CNIH3: variants seen among roughly 807,000 people sequenced by gnomAD.
CNIH3 encodes the protein protein cornichon homolog 3.
A neutral mutation model predicts 24.1 loss-of-function variants in CNIH3; 14 were observed. The observed-to-expected ratio is 0.58, with a 90% CI of 0.38 to 0.91. CNIH3 has a LOEUF of 0.91. CNIH3 is among the 40% of genes least tolerant of loss of function. CNIH3 has a pLI of 0.00. For synonymous variants in CNIH3, 68 were observed against 73.8 expected, an observed-to-expected ratio of 0.92 and a Z score of 0.40; for missense variants, 178 against 196.8, an observed-to-expected ratio of 0.90 and a Z score of 0.57.
chr1:224,488,279 G>A (rs984064428), intron 1 of CNIH3, among the ~76,000 whole-genome samples: 7 of 151,968 alleles, frequency 4.6e-5, no homozygotes, highest in Admixed American at 6.6e-5. Context: ...TACTCCAATT[G>A]TACTTACGTT....
intron 1 of CNIH3, among the ~76,000 whole-genome samples, chr1:224,520,042 A>G (rs1678562944): frequency 6.6e-6 from 1 of 152,052 alleles, no homozygotes; most frequent in South Asian, 2.1e-4. Flanking sequence ...CCAGTTGAAA[A>G]ACAGCAAACC....
chr1:224,524,730 C>G (rs1572411315), intron 2 of CNIH3, among the ~76,000 whole-genome samples: 1 of 152,008 alleles, frequency 6.6e-6, no homozygotes, highest in South Asian at 2.1e-4. Flanking sequence ...GTTATTTTTG[C>G]CTTCAAGTAT....
Position 224,656,474 on chromosome 1 carries a change from T to G in CNIH3, c.82-24484T>G, listed in dbSNP as rs1282667979. 2.0e-5 allele frequency among the ~76,000 whole-genome samples: 3 copies of G among 152,246 alleles called. No homozygotes were observed. In the East Asian group the frequency reaches 5.8e-4, roughly 29 times the overall value. Reference sequence around the variant, plus strand: ...AAAGCTAGGGTCTAGGGGAGAACAATGACCGGAAAAGTTCATGTTCCCTTT... The same window carrying G: ...AAAGCTAGGGTCTAGGGGAGAACAAGGACCGGAAAAGTTCATGTTCCCTTT... On this transcript the variant is annotated intron_variant, in intron 1 of 5. Coordinates refer to ENST00000272133, the MANE Select transcript of CNIH3 (RefSeq NM_152495.2).
chr1:224,619,782 CA>C (rs552398103), intron 1 of CNIH3, among the ~76,000 whole-genome samples: 1 of 152,132 alleles, frequency 6.6e-6, no homozygotes, highest in Non-Finnish European at 1.5e-5. Context: ...ATCAGTACCC[CA>C]AAAAATGAAT....
At chr1:224,527,527 T>C (rs1678891884) in intron 2 of CNIH3, among the ~76,000 whole-genome samples, 1 of 152,232 alleles carries the variant, frequency 6.6e-6, no homozygotes, top group South Asian at 2.1e-4. Flanking sequence ...TCAGGCTGTT[T>C]GATGAACACT....
chr1:224,502,151 G>A (rs66530931), intron 1 of CNIH3, among the ~76,000 whole-genome samples: 29,065 of 152,104 alleles, frequency 0.19, 2,999 homozygotes, highest in Non-Finnish European at 0.22. Flanking sequence ...CTCCCGGAGA[G>A]TGAAGCCCTG....
intron 4 of CNIH3, among the ~76,000 whole-genome samples, chr1:224,566,447 G>A (rs1161663578): frequency 1.3e-5 from 2 of 151,322 alleles, no homozygotes; most frequent in Non-Finnish European, 2.9e-5. Flanking sequence ...AGGTATACAT[G>A]TGCCATGGTG....
rs958588303 is a variant in CNIH3, at chr1:224,596,502, C to T, written n.402+30238C>T. 3.3e-5 allele frequency among the ~76,000 whole-genome samples: 5 copies of T among 152,324 alleles called. No individual in the cohort carries two copies. In the East Asian group the frequency reaches 9.7e-4, roughly 29 times the overall value. On this transcript the variant is annotated intron_variant and non_coding_transcript_variant, in intron 3 of 7. Transcript: ENST00000478120. ...TGAATATTGTTTTCATGCCTGCTTGCACAACTCCATTATGTAGTCCATGGA... is the reference window on the plus strand; with the variant it reads ...TGAATATTGTTTTCATGCCTGCTTGTACAACTCCATTATGTAGTCCATGGA...
At chr1:224,435,527 T>C (rs1004580817) in intron 1 of CNIH3, among the ~76,000 whole-genome samples, 1 of 152,190 alleles carries the variant, frequency 6.6e-6, no homozygotes, top group Non-Finnish European at 1.5e-5. Flanking sequence ...TCACTCTTTT[T>C]TAGCACTTGC....
chr1:224,448,961 C>CTTT (rs397983008), intron 1 of CNIH3, among the ~76,000 whole-genome samples: 6 of 115,264 alleles, frequency 5.2e-5, no homozygotes, highest in Non-Finnish European at 9.3e-5. Flanking sequence ...AGCTGGGATT[C>CTTT]TTTTTTTTTT....
At chr1:224,637,519 G>T (rs1684153461) in intron 1 of CNIH3, among the ~76,000 whole-genome samples, 1 of 152,144 alleles carries the variant, frequency 6.6e-6, no homozygotes, top group Non-Finnish European at 1.5e-5. Flanking sequence ...GCAAGATGAA[G>T]ATCGTGTATT....
intron 1 of CNIH3, among the ~76,000 whole-genome samples, chr1:224,451,817 G>C (rs781311600): frequency 2.0e-5 from 3 of 152,166 alleles, no homozygotes; most frequent in Non-Finnish European, 4.4e-5. Flanking sequence ...GGGTAGCAAA[G>C]TGGTGACCCG....
intron 4 of CNIH3, among the ~76,000 whole-genome samples, chr1:224,731,592 A>G (rs1343114152): frequency 6.6e-6 from 1 of 152,272 alleles, no homozygotes; most frequent in Non-Finnish European, 1.5e-5. Context: ...TCCTTCATTT[A>G]GAAAACATAC....
At chr1:224,625,287 C>T (rs900519873) in intron 1 of CNIH3, among the ~76,000 whole-genome samples, 2 of 152,180 alleles carry the variant, frequency 1.3e-5, no homozygotes, top group East Asian at 1.9e-4. Context: ...TGGTGGCTCA[C>T]GCCTGTAATC....
intron 4 of CNIH3, among the ~76,000 whole-genome samples, chr1:224,569,414 T>C (rs1680721728): frequency 6.6e-6 from 1 of 152,228 alleles, no homozygotes; most frequent in African/African-American, 2.4e-5. Flanking sequence ...CAGTGTGGTT[T>C]ATTCATTCAG....
At chr1:224,449,234 G>C (rs1388228835) in intron 1 of CNIH3, among the ~76,000 whole-genome samples, 1 of 152,044 alleles carries the variant, frequency 6.6e-6, no homozygotes, top group Non-Finnish European at 1.5e-5. Context: ...AAAGTGCTGG[G>C]ATTACAGGTG....
intron 1 of CNIH3, among the ~76,000 whole-genome samples, chr1:224,476,630 A>C (rs1195811401): frequency 6.6e-6 from 1 of 152,186 alleles, no homozygotes; most frequent in Non-Finnish European, 1.5e-5. Context: ...AAACTATAAA[A>C]CACTGATGCA....
In CNIH3 at chr1:224,684,433, T is replaced by C. The variant is rs1686554438; in HGVS notation, c.151-363T>C. ...CTCCTGGGAGGGCCGGCTGCAGGCT[T>C]TAGGATGCTCCATGAACACGAGGTA... On this transcript the variant is annotated intron_variant, in intron 2 of 5. Transcript: ENST00000272133. This position sits in a 1 kb window ranked among gnomAD's most constrained non-coding sequence, Gnocchi z 4.2. Among the ~76,000 whole-genome samples, 1 of 152,146 alleles carries C rather than the reference T, an allele frequency of 6.6e-6. No individual in the cohort carries two copies. Among genetic ancestry groups the C allele is most frequent in the Non-Finnish European group, 1.5e-5 (1 of 68,014 alleles).
chr1:224,530,744 C>A (rs755947503), intron 2 of CNIH3, among the ~76,000 whole-genome samples: 4 of 152,038 alleles, frequency 2.6e-5, no homozygotes, highest in Admixed American at 2.0e-4. Context: ...GGATTACAGG[C>A]GCCTGCCACC....
Sources: allele counts gnomAD v4.1 joint callset (sites outside exome capture counted in the v4.1 genomes callset), GRCh38; gene constraint gnomAD v4.1.1; non-coding constraint Gnocchi (gnomAD v3.1); transcripts MANE v1.5; gene names NCBI Gene and HGNC (gene_info 2026-07-23, HGNC 2026-07-21).